SHISA6: variants seen among roughly 807,000 people sequenced by gnomAD.
SHISA6 encodes shisa family member 6.
Under a neutral mutation model 47.9 loss-of-function variants are expected in SHISA6, and 22 were observed. The observed-to-expected ratio is 0.46, with a 90% CI of 0.33 to 0.66. The LOEUF (loss-of-function observed/expected upper bound fraction) is 0.66, where lower values mean the gene tolerates loss of function less well. SHISA6 is among the 30% of genes least tolerant of loss of function. SHISA6 has a pLI of 0.02. For synonymous variants in SHISA6, 388 were observed against 337.8 expected (o/e 1.15, Z -1.63); for missense variants, 680 against 764.6 (o/e 0.89, Z 1.30).
intron 2 of SHISA6, among the ~76,000 whole-genome samples, chr17:11,325,482 C>A (rs1447315139): frequency 1.2e-4 from 19 of 152,160 alleles, no homozygotes; most frequent in Admixed American, 1.2e-3. Flanking sequence ...GGGGCACTGA[C>A]AACCTTTAGG....
intron 3 of SHISA6, among the ~76,000 whole-genome samples, chr17:11,507,400 G>A (rs1473277248): frequency 6.6e-6 from 1 of 152,064 alleles, no homozygotes; most frequent in Non-Finnish European, 1.5e-5. Context: ...CTTCTGCTCA[G>A]AGCTTTCCTC....
chr17:11,436,353 C>G (rs1032640198), intron 3 of SHISA6, among the ~76,000 whole-genome samples: 5 of 152,190 alleles, frequency 3.3e-5, no homozygotes, highest in African/African-American at 1.2e-4. Context: ...CAGTCTGGTA[C>G]TTCATTATGA....
chr17:11,296,200 C>T (rs1007889554), intron 2 of SHISA6, among the ~76,000 whole-genome samples: 1 of 152,088 alleles, frequency 6.6e-6, no homozygotes. Flanking sequence ...GGAGTGGACA[C>T]TTGGGAATGA....
At chr17:11,433,407 T>G (rs924453135) in intron 3 of SHISA6, among the ~76,000 whole-genome samples, 1 of 152,210 alleles carries the variant, frequency 6.6e-6, no homozygotes, top group Non-Finnish European at 1.5e-5. Context: ...GCAAAGGACA[T>G]GAACTCATCC....
intron 2 of SHISA6, among the ~76,000 whole-genome samples, chr17:11,318,704 C>T (rs899082066): frequency 1.3e-5 from 2 of 152,288 alleles, no homozygotes; most frequent in Non-Finnish European, 1.5e-5. Flanking sequence ...TTTTACTCTT[C>T]GTTGCATATG....
intron 3 of SHISA6, among the ~76,000 whole-genome samples, chr17:11,455,076 G>A (rs1188476570): frequency 6.6e-6 from 1 of 152,150 alleles, no homozygotes; most frequent in Non-Finnish European, 1.5e-5. Flanking sequence ...GGCTGAGGCA[G>A]GAGAATGGTG....
intron 3 of SHISA6, among the ~76,000 whole-genome samples, chr17:11,412,984 C>G (rs1914174593): frequency 6.6e-6 from 1 of 152,122 alleles, no homozygotes; most frequent in Admixed American, 6.5e-5. Flanking sequence ...TAATGAGGAT[C>G]CTGCCAGAGA....
intron 3 of SHISA6, among the ~76,000 whole-genome samples, chr17:11,550,346 C>T (rs528498811): frequency 8.3e-4 from 126 of 152,250 alleles, no homozygotes; most frequent in Admixed American, 3.9e-3. Flanking sequence ...TGAGCCACTG[C>T]GCCCGGCCCT....
intron 5 of SHISA6, among the ~76,000 whole-genome samples, chr17:11,556,530 C>G (rs1348595910): frequency 6.6e-6 from 1 of 152,154 alleles, no homozygotes. Flanking sequence ...TGGACCTTCT[C>G]CTCCCATTTT....
intron 3 of SHISA6, among the ~76,000 whole-genome samples, chr17:11,394,125 A>G (rs77218552): frequency 0.036 from 5,526 of 152,124 alleles, 185 homozygotes; most frequent in Admixed American, 0.088. Flanking sequence ...CCATATCTGG[A>G]GTGTTGACCA....
At chr17:11,295,273 C>A (rs1031884708) in intron 2 of SHISA6, among the ~76,000 whole-genome samples, 4 of 152,160 alleles carry the variant, frequency 2.6e-5, no homozygotes, top group African/African-American at 9.7e-5. Context: ...ACCATAGTCA[C>A]AATTGTACCA....
chr17:11,420,489 C>T (rs1567601142), intron 3 of SHISA6, among the ~76,000 whole-genome samples: 1 of 152,108 alleles, frequency 6.6e-6, no homozygotes, highest in African/African-American at 2.4e-5. Context: ...GTTTTTTGTT[C>T]CTACAAGAGA....
chr17:11,331,156 G>A (rs1423636046), intron 2 of SHISA6, among the ~76,000 whole-genome samples: 1 of 152,144 alleles, frequency 6.6e-6, no homozygotes, highest in Non-Finnish European at 1.5e-5. Flanking sequence ...TGGAGGCGTG[G>A]CTTTCCTGTC....
chr17:11,279,961 A>G (rs1909065540), intron 2 of SHISA6, among the ~76,000 whole-genome samples: 1 of 152,132 alleles, frequency 6.6e-6, no homozygotes, highest in Non-Finnish European at 1.5e-5. Flanking sequence ...GAGGGTAATA[A>G]AGGTTTAGCT....
intron 3 of SHISA6, among the ~76,000 whole-genome samples, chr17:11,425,592 C>T (rs541993624): frequency 9.2e-5 from 14 of 152,222 alleles, no homozygotes; most frequent in Admixed American, 2.6e-4. Flanking sequence ...CCCAAATTGG[C>T]TTAATTAAAG....
chr17:11,443,226 C>T lies in SHISA6; in HGVS notation c.895+63717C>T, dbSNP rs111843986. Among the ~76,000 whole-genome samples, 1,224 of 152,264 alleles carry T rather than the reference C, an allele frequency of 8.0e-3. 12 individuals are homozygous for T. The highest frequency in any genetic ancestry group is 0.011 in the Non-Finnish European group (747 of 68,022). ...TCTCGCAGCTGCCTGAGCTTTCAGT[C>T]AAAGGCTGCACATCTCAACATAAAG... On this transcript the variant is annotated intron_variant, in intron 3 of 5. Transcript: ENST00000441885.
chr17:11,315,589 A>C (rs1450136571), intron 2 of SHISA6, among the ~76,000 whole-genome samples: 2 of 152,194 alleles, frequency 1.3e-5, no homozygotes, highest in Admixed American at 1.3e-4. Flanking sequence ...AGATTACAAT[A>C]TTGACATTTA....
intron 2 of SHISA6, among the ~76,000 whole-genome samples, chr17:11,273,779 C>G (rs763182262): frequency 6.6e-6 from 1 of 152,212 alleles, no homozygotes; most frequent in Non-Finnish European, 1.5e-5. Context: ...CTGACCTAGG[C>G]AGCCCAGTGT....
chr17:11,413,353 A>G (rs995967763), intron 3 of SHISA6, among the ~76,000 whole-genome samples: 13 of 152,202 alleles, frequency 8.5e-5, no homozygotes, highest in African/African-American at 2.9e-4. Flanking sequence ...GTTCACCCTC[A>G]TAGTTGCTTG....
Sources: gnomAD v4.1 joint callset for allele counts (sites outside exome capture counted in the v4.1 genomes callset) on GRCh38, gnomAD v4.1.1 for gene constraint, MANE v1.5 for transcripts, NCBI Gene and HGNC (gene_info 2026-07-23, HGNC 2026-07-21) for gene names.